The following RPAIN variants were observed in gnomAD, a reference collection of about 807,000 sequenced individuals.
RPAIN encodes RPA-interacting protein.
Under a neutral mutation model 30.5 loss-of-function variants are expected in RPAIN, and 29 were observed. The ratio of observed to expected loss-of-function variants is 0.95; its 90% CI spans 0.71 to 1.30. The LOEUF (loss-of-function observed/expected upper bound fraction) is 1.30, where lower values mean the gene tolerates loss of function less well. RPAIN is among the 50% of genes most tolerant of loss of function. The probability of loss-of-function intolerance (pLI) is 0.00; values close to 1 mark genes in which losing one functional copy is unlikely to be tolerated. For synonymous variants in RPAIN, 101 were observed against 93.5 expected, an observed-to-expected ratio of 1.08 and a Z score of -0.46; for missense variants, 247 against 264.7, an observed-to-expected ratio of 0.93 and a Z score of 0.46.
intron 6 of RPAIN, chr17:5,428,771 A>G (rs1915645901): frequency 1.0e-6 from 1 of 1,003,398 alleles, no homozygotes; most frequent in South Asian, 4.1e-5. Context: ...GTATGTATGT[A>G]TGTACATGTG....
At chr17:5,428,825 T>G in intron 6 of RPAIN, 1 of 987,424 alleles carries the variant, frequency 1.0e-6, no homozygotes, top group Non-Finnish European at 1.2e-6. Context: ...ATGATACGTA[T>G]TATTATTGCT....
At chr17:5,426,568 C>G (rs1915413834) in intron 5 of RPAIN, 6 of 406,126 alleles carry the variant, frequency 1.5e-5, no homozygotes, top group Non-Finnish European at 2.7e-5. Flanking sequence ...ATTGGTAACG[C>G]CTGTATCTGA....
Position 5,432,728 on chromosome 17 carries a change from CT to C in RPAIN, c.*161del. The stretch of plus-strand genomic sequence containing the variant: ...AACTTTTCCGACATCTGTTCTTGGT[CT>C]TTTGTGACGCAGGTTGAAGGGGGAG... On this transcript the variant is annotated 3_prime_UTR_variant, in exon 7 of 7. Transcript: ENST00000381209. 1 of 845,382 alleles carries C rather than the reference CT, an allele frequency of 1.2e-6. No homozygotes were observed. The highest frequency in any genetic ancestry group is 1.8e-6 in the Non-Finnish European group (1 of 555,354). The allele number at this position is 845,382 out of a possible 1,614,324, so 52.4% of individuals were successfully genotyped here.
intron 6 of RPAIN, chr17:5,432,219 A>G (rs1219142905): frequency 3.3e-6 from 1 of 299,132 alleles, no homozygotes; most frequent in Non-Finnish European, 6.3e-6. Context: ...GCTCCAGGCT[A>G]TCAAGAGTTT....
At chr17:5,421,181 C>A in intron 1 of RPAIN, 115 bp from the exon 2 acceptor site, 1 of 986,546 alleles carries the variant, frequency 1.0e-6, no homozygotes, top group Non-Finnish European at 1.5e-6. Flanking sequence ...TTAGTATTAT[C>A]ATTGAAATTT....
intron 6 of RPAIN, chr17:5,432,048 CCAG>C: frequency 4.6e-6 from 1 of 218,224 alleles, no homozygotes; most frequent in Non-Finnish European, 9.2e-6. Flanking sequence ...GCTGAGCCAC[CCAG>C]GAGTCGGGAG....
chr17:5,420,225 G>C lies in RPAIN; in HGVS notation c.15G>C (p.Leu5Phe). Reference sequence around the variant, plus strand: ...GCGAAGAGGAGATGGCGGAGTCGTTGAGGTCTCCGCGCCGCTCCCTGTACA... The same window carrying C: ...GCGAAGAGGAGATGGCGGAGTCGTTCAGGTCTCCGCGCCGCTCCCTGTACA... MAES[L>F]RSPRRSLYKL... The change falls in exon 1 of 7, where the codon TTG becomes TTC. Residue 5 changes from leucine to phenylalanine, a missense_variant. Leu to Phe is a conservative substitution (Grantham distance 22). Transcript: ENST00000381209. The C allele has an allele frequency of 6.2e-7, 1 of 1,613,764 alleles. No homozygotes were observed. Among genetic ancestry groups the C allele is most frequent in the East Asian group, 2.2e-5 (1 of 44,860 alleles).
intron 6 of RPAIN, 122 bp downstream of exon 6, chr17:5,428,333 A>G (rs1915604486): frequency 3.2e-6 from 5 of 1,548,614 alleles, no homozygotes; most frequent in Non-Finnish European, 4.4e-6. Flanking sequence ...TATCTGAGGA[A>G]TTTACCTGCA....
intron 3 of RPAIN, chr17:5,425,430 G>A: frequency 2.3e-6 from 1 of 431,508 alleles, no homozygotes; most frequent in Admixed American, 2.6e-5. Context: ...CCGCCTCCTG[G>A]GTTCAAGTGA....
intron 2 of RPAIN, 157 bp downstream of exon 2, chr17:5,421,623 G>C (rs1396669347): frequency 8.8e-6 from 5 of 567,490 alleles, no homozygotes; most frequent in African/African-American, 1.9e-5. Context: ...TACACTTAAT[G>C]TTAGACTTGT....
At chr17:5,421,870 C>T (rs1177988660) in intron 2 of RPAIN, 1 of 153,382 alleles carries the variant, frequency 6.5e-6, no homozygotes, top group East Asian at 1.9e-4. Flanking sequence ...ACTGCAACCT[C>T]CACCTCCTGG....
rs545460645 is a variant in RPAIN, at chr17:5,430,423, C to T, written c.631-2119C>T. 129 of 152,512 alleles carry T rather than the reference C, an allele frequency of 8.5e-4. 3 individuals are homozygous for T. The highest frequency in any genetic ancestry group is 2.6e-3 in the African/African-American group (109 of 41,528). 9.4% of individuals were successfully genotyped at this position (152,512 alleles called of 1,614,324 possible). On this transcript the variant is annotated intron_variant, in intron 6 of 6. Transcript: ENST00000381209. ...CGGAGGTTGCGGTGAGCAGAGATTA[C>T]GCCACTGCTCTCCAGCCTGGGCAAC...
chr17:5,421,272 C>T (rs754863972), intron 1 of RPAIN, 24 bp from the exon 2 acceptor site: 5 of 1,570,704 alleles, frequency 3.2e-6, no homozygotes, highest in South Asian at 1.2e-5. Context: ...TTTTTTCCCC[C>T]CCAATCTTGC....
chr17:5,420,293 TG>T lies in RPAIN; in HGVS notation c.81+5del, dbSNP rs1914606150. Reference sequence around the variant, plus strand: ...CCTTGGAAAGAGGCTTTCCGGCAGGTGGGTATGGGGTTTGTGCAGTGGTCTA... The same window carrying T: ...CCTTGGAAAGAGGCTTTCCGGCAGGTGGTATGGGGTTTGTGCAGTGGTCTA... On this transcript the variant is annotated splice_donor_region_variant and intron_variant, in intron 1 of 6. Coordinates refer to ENST00000381209, the MANE Select transcript of RPAIN (RefSeq NM_001033002.4). 2 of 1,611,980 alleles carry T rather than the reference TG, an allele frequency of 1.2e-6. No individual in the cohort carries two copies. Among genetic ancestry groups the T allele is most frequent in the Non-Finnish European group, 1.7e-6 (2 of 1,179,244 alleles).
Position 5,428,170 on chromosome 17 carries a change from G to T in RPAIN, c.589G>T (p.Gly197Ter), listed in dbSNP as rs779839256. The T allele has an allele frequency of 6.2e-7, 1 of 1,614,212 alleles. No individual in the cohort carries two copies. The highest frequency in any genetic ancestry group is 1.1e-5 in the South Asian group (1 of 91,078). ...CCACACACCTGAATTTTCAGTCACT[G>T]GAGGAACAGAAGAAAAGTCCAGTCT... ...CPHTPEFSVT[G>*]GTEEKSSLLM... is the part of the protein sequence containing the mutation. Residue 197 changes from glycine (G) to a stop codon, truncating the protein, a stop_gained, in exon 6 of 7, where the codon GGA becomes TGA. Transcript: ENST00000381209. LOFTEE classifies it high-confidence loss of function.
At chr17:5,425,832 C>A in intron 3 of RPAIN, 139 bp from the exon 4 acceptor site, 1 of 614,640 alleles carries the variant, frequency 1.6e-6, no homozygotes, top group Non-Finnish European at 2.9e-6. Flanking sequence ...CCTGAGAGAG[C>A]ATAAAAACCA....
At chr17:5,430,721 G>A (rs1281707336) in intron 6 of RPAIN, 1 of 152,256 alleles carries the variant, frequency 6.6e-6, no homozygotes, top group Admixed American at 6.5e-5. Context: ...TAATAAAGAG[G>A]TGCTTAAGAT....
Position 5,432,763 on chromosome 17 carries a change from A to G in RPAIN, c.*192A>G. 1.3e-6 allele frequency: 1 copy of G among 766,802 alleles called. No individual in the cohort carries two copies. Among genetic ancestry groups the G allele is most frequent in the Non-Finnish European group, 2.0e-6 (1 of 499,614 alleles). The allele number at this position is 766,802 out of a possible 1,614,324, so 47.5% of individuals were successfully genotyped here. The stretch of plus-strand genomic sequence containing the variant: ...GCAGGTTGAAGGGGGAGGAATAGAA[A>G]AAGACAAACTGCCTTGGAGGAGATA... On this transcript the variant is annotated 3_prime_UTR_variant, in exon 7 of 7. Transcript: ENST00000381209.
chr17:5,424,044 G>T (rs922521826), intron 3 of RPAIN, among the ~76,000 whole-genome samples: 2 of 149,546 alleles, frequency 1.3e-5, no homozygotes, highest in African/African-American at 4.9e-5. Context: ...CTGGAGTGCA[G>T]TGATGTAATC....
Sources: allele counts gnomAD v4.1 joint callset (sites outside exome capture counted in the v4.1 genomes callset), GRCh38; gene constraint gnomAD v4.1.1; transcripts MANE v1.5; gene names NCBI Gene and HGNC (gene_info 2026-07-23, HGNC 2026-07-21).